Variants in NREP observed in about 807,000 individuals in gnomAD.
NREP encodes neuronal regeneration-related protein.
NREP carries 5 observed loss-of-function variants against 8.6 expected under a neutral mutation model. That is an observed-to-expected ratio of 0.58 (90% CI 0.30 to 1.22). The LOEUF (loss-of-function observed/expected upper bound fraction) is 1.22. NREP is among the 50% of genes most tolerant of loss of function. The pLI is 0.07. For synonymous variants in NREP, 27 were observed against 28.0 expected, an observed-to-expected ratio of 0.96 and a Z score of 0.11; for missense variants, 86 against 82.5, an observed-to-expected ratio of 1.04 and a Z score of -0.17.
chr5:111,754,580 T>C (rs1231275839), intron 2 of NREP, among the ~76,000 whole-genome samples: 3 of 152,264 alleles, frequency 2.0e-5, no homozygotes, highest in African/African-American at 7.2e-5. Context: ...AAGAATTTAA[T>C]ATGAAGTTGG....
chr5:111,962,968 T>C (rs1581254837), intron 2 of NREP, among the ~76,000 whole-genome samples: 1 of 152,222 alleles, frequency 6.6e-6, no homozygotes, highest in Non-Finnish European at 1.5e-5. Flanking sequence ...CTTCATCCTT[T>C]TTGGACGGCA....
intron 2 of NREP, among the ~76,000 whole-genome samples, chr5:111,925,020 T>C (rs1239127467): frequency 1.3e-5 from 2 of 152,064 alleles, no homozygotes; most frequent in South Asian, 2.1e-4. Flanking sequence ...GAGAAAAATA[T>C]AGGGTTAGAA....
intron 2 of NREP, among the ~76,000 whole-genome samples, chr5:111,743,420 G>A (rs541511780): frequency 6.6e-6 from 1 of 152,220 alleles, no homozygotes; most frequent in East Asian, 1.9e-4. Flanking sequence ...AGTGGAACCA[G>A]AATAAATATT....
intron 2 of NREP, among the ~76,000 whole-genome samples, chr5:111,750,651 T>G (rs2112839251): frequency 6.6e-6 from 1 of 152,330 alleles, no homozygotes; most frequent in East Asian, 1.9e-4. Flanking sequence ...TTATATTGTT[T>G]TACATTGTTA....
intron 2 of NREP, among the ~76,000 whole-genome samples, chr5:111,881,698 T>A (rs76442173): frequency 6.6e-6 from 1 of 152,050 alleles, no homozygotes; most frequent in African/African-American, 2.4e-5. Context: ...TGCAGCCACC[T>A]CTGCAGATAC....
In NREP at chr5:111,891,965, A is replaced by G. The variant is rs545127814; in HGVS notation, c.135+83309T>C. Among the ~76,000 whole-genome samples the G allele has an allele frequency of 3.3e-5, 5 of 152,352 alleles. No homozygotes were observed. The South Asian group carries it at 1.0e-3, about 32-fold the overall frequency. ...AACTATATCAGTCATTATGACAGTA[A>G]GGAGCCAGAAGAAACTTAGCAGAAT... is the stretch of plus-strand genomic sequence containing the variant. On this transcript the variant is annotated intron_variant, in intron 2 of 3. Transcript: ENST00000395634.
intron 2 of NREP, among the ~76,000 whole-genome samples, chr5:111,773,958 C>T (rs1357293258): frequency 1.3e-5 from 2 of 152,098 alleles, no homozygotes; most frequent in Non-Finnish European, 2.9e-5. Context: ...TGGGCTCTTA[C>T]CCGTGGGGGA....
At chr5:111,907,267 C>A (rs1042174879) in intron 2 of NREP, among the ~76,000 whole-genome samples, 5 of 152,048 alleles carry the variant, frequency 3.3e-5, no homozygotes, top group African/African-American at 9.7e-5. Flanking sequence ...TCTTCAAACC[C>A]AATGTCTCCT....
chr5:111,781,596 G>A (rs6883575), intron 2 of NREP, among the ~76,000 whole-genome samples: 2,570 of 152,220 alleles, frequency 0.017, 69 homozygotes, highest in African/African-American at 0.057. Flanking sequence ...ATTGCTTTAA[G>A]CCTCCACAGT....
intron 2 of NREP, among the ~76,000 whole-genome samples, chr5:111,855,042 C>T (rs1444014661): frequency 6.6e-6 from 1 of 152,076 alleles, no homozygotes; most frequent in African/African-American, 2.4e-5. Flanking sequence ...ACAATCAATG[C>T]CTCATGGTGA....
chr5:111,887,362 C>A (rs1331496387), intron 2 of NREP, among the ~76,000 whole-genome samples: 6 of 152,102 alleles, frequency 3.9e-5, no homozygotes, highest in Non-Finnish European at 8.8e-5. Flanking sequence ...TATTTCCAGG[C>A]AATTTTTTAA....
rs1417021043 is a variant in NREP, at chr5:111,803,001, GA to G, written c.136-67495del. On this transcript the variant is annotated intron_variant, in intron 2 of 3. Transcript: ENST00000395634. ...TGCAAATAACTAAGGAATGATGAAA[GA>G]AAAAAACTGGGAGAATGGTGTTGCC... 1.5e-4 allele frequency among the ~76,000 whole-genome samples: 23 copies of G among 152,120 alleles called. 1 individual carries two copies. Among genetic ancestry groups the G allele is most frequent in the South Asian group, 1.5e-3 (7 of 4,816 alleles).
At chr5:111,814,318 C>T (rs1197721803) in intron 2 of NREP, among the ~76,000 whole-genome samples, 1 of 152,044 alleles carries the variant, frequency 6.6e-6, no homozygotes, top group Non-Finnish European at 1.5e-5. Flanking sequence ...AATCAAGATA[C>T]AAGGAAGAGG....
chr5:111,938,624 C>T (rs1327548412), intron 2 of NREP, among the ~76,000 whole-genome samples: 1 of 151,918 alleles, frequency 6.6e-6, no homozygotes, highest in Non-Finnish European at 1.5e-5. Context: ...AACAAGTTAC[C>T]GAACCTATGC....
At chr5:111,823,387 C>G (rs62371585) in intron 2 of NREP, among the ~76,000 whole-genome samples, 46,157 of 152,034 alleles carry the variant, frequency 0.3, 7,766 homozygotes, top group Non-Finnish European at 0.4. Flanking sequence ...CTCTATCTTC[C>G]TATCTAATCC....
intron 2 of NREP, among the ~76,000 whole-genome samples, chr5:111,795,964 T>C (rs140760853): frequency 4.1e-4 from 63 of 152,356 alleles, no homozygotes; most frequent in African/African-American, 1.4e-3. Context: ...TTAACCACTG[T>C]ATTAGTCTCA....
intron 2 of NREP, among the ~76,000 whole-genome samples, chr5:111,943,059 C>T (rs944417267): frequency 1.3e-5 from 2 of 151,994 alleles, no homozygotes; most frequent in African/African-American, 4.8e-5. Context: ...CATCTCATCA[C>T]TGCTGTCTCC....
chr5:111,894,820 G>A (rs1031741167), intron 2 of NREP, among the ~76,000 whole-genome samples: 12 of 152,196 alleles, frequency 7.9e-5, no homozygotes, highest in Non-Finnish European at 1.8e-4. Flanking sequence ...AGAATGGGGA[G>A]GCTGTTCATG....
intron 2 of NREP, among the ~76,000 whole-genome samples, chr5:111,831,586 CTT>C (rs1410578253): frequency 1.3e-5 from 2 of 152,194 alleles, no homozygotes; most frequent in Non-Finnish European, 2.9e-5. Context: ...CTCTACCACT[CTT>C]TCCTCCCACC....
Sources: gnomAD v4.1 joint callset for allele counts (sites outside exome capture counted in the v4.1 genomes callset) on GRCh38, gnomAD v4.1.1 for gene constraint, MANE v1.5 for transcripts, NCBI Gene and HGNC (gene_info 2026-07-23, HGNC 2026-07-21) for gene names.